SMPD2: variants seen among roughly 807,000 people sequenced by gnomAD.
SMPD2 encodes N-SMase.
Under a neutral mutation model 41.7 loss-of-function variants are expected in SMPD2, and 35 were observed. The ratio of observed to expected loss-of-function variants is 0.84; its 90% CI spans 0.64 to 1.11. SMPD2 has a LOEUF of 1.11. Ranked by LOEUF, SMPD2 falls within the 50% of genes most tolerant of loss-of-function variation. The pLI is 0.00. For missense variants in SMPD2, 520 were observed against 524.8 expected, an observed-to-expected ratio of 0.99 and a Z score of 0.09; for synonymous variants, 201 against 208.2, an observed-to-expected ratio of 0.97 and a Z score of 0.30.
intron 3 of SMPD2, 51 bp downstream of exon 3, chr6:109,441,679 C>T (rs949753464): frequency 6.6e-7 from 1 of 1,524,032 alleles, no homozygotes; most frequent in Non-Finnish European, 9.1e-7. Context: ...AGGCTCTTGG[C>T]CCTGCCAGCC....
rs780721560 is a variant in SMPD2, at chr6:109,442,001, C to G, written c.252C>G (p.Val84=). Reference sequence around the variant, plus strand: ...GAATCATTGGCAGTGGCCTCTGTGTCTTCTCCAAACATCCAATCCAGGAGC... The same window carrying G: ...GAATCATTGGCAGTGGCCTCTGTGTGTTCTCCAAACATCCAATCCAGGAGC... ...RSGIIGSGLC[V]FSKHPIQELT... The change falls in exon 4 of 10, where the codon GTC becomes GTG. Residue 84 remains valine, a synonymous_variant. Transcript: ENST00000258052. The G allele has an allele frequency of 9.3e-6, 15 of 1,614,072 alleles. No homozygotes were observed. The highest frequency in any genetic ancestry group is 1.3e-5 in the African/African-American group (1 of 74,930).
In SMPD2 at chr6:109,443,725, G is replaced by C. The variant is rs774124588; in HGVS notation, c.1092G>C (p.Leu364=). 6.2e-7 allele frequency: 1 copy of C among 1,613,860 alleles called. No homozygotes were observed. Among genetic ancestry groups the C allele is most frequent in the Non-Finnish European group, 8.5e-7 (1 of 1,179,874 alleles). ...AILLWTPSVG[L]VLWAGAFYLF... is the part of the protein sequence containing the mutation. Reference sequence around the variant, plus strand: ...TGCTCTGGACCCCCAGTGTAGGGCTGGTGCTGTGGGCAGGTGCATTCTACC... The same window carrying C: ...TGCTCTGGACCCCCAGTGTAGGGCTCGTGCTGTGGGCAGGTGCATTCTACC... The change falls in exon 10 of 10, where the codon CTG becomes CTC. Residue 364 remains leucine, a synonymous_variant. Transcript: ENST00000258052.
chr6:109,442,925 TTC>T, intron 7 of SMPD2, 41 bp downstream of exon 7: 1 of 1,610,720 alleles, frequency 6.2e-7, no homozygotes, highest in Non-Finnish European at 8.5e-7. Flanking sequence ...TATCCCCAGC[TTC>T]TCTCCCTCCT....
rs776882194 is a variant in SMPD2, at chr6:109,443,308, C to T, written c.771C>T (p.Thr257=). 21 of 1,613,892 alleles carry T rather than the reference C, an allele frequency of 1.3e-5. No homozygotes were observed. The highest frequency in any genetic ancestry group is 2.7e-5 in the African/African-American group (2 of 74,892). Residue 257 remains threonine (T), a synonymous_variant, in exon 9 of 10, where the codon ACC becomes ACT. Transcript: ENST00000258052. ...GFYISCKSFE[T]TTGFDPHRGT... ...ACATCTCCTGTAAGAGTTTTGAAACCACTACAGGCTTTGACCCTCACAGGG... is the reference window on the plus strand; with the variant it reads ...ACATCTCCTGTAAGAGTTTTGAAACTACTACAGGCTTTGACCCTCACAGGG...
In SMPD2 at chr6:109,443,762, C is replaced by T. The variant is rs755534779; in HGVS notation, c.1129C>T (p.Gln377Ter). 2 of 1,614,072 alleles carry T rather than the reference C, an allele frequency of 1.2e-6. No homozygotes were observed. The highest frequency in any genetic ancestry group is 2.2e-5 in the East Asian group (1 of 44,890). The change falls in exon 10 of 10, where the codon CAG becomes TAG. Residue 377 changes from glutamine (Q) to a stop codon, truncating the protein, a stop_gained. Transcript: ENST00000258052. LOFTEE classifies it low-confidence loss of function (END_TRUNC). ...AGGTGCATTCTACCTCTTCCACGTA[C>T]AGGAGGTCAATGGCTTATATAGGGC... ...WAGAFYLFHV[Q>*]EVNGLYRAQA...
chr6:109,443,240 C>T (rs1356411856), intron 8 of SMPD2, 27 bp from the exon 9 acceptor site: 7 of 1,487,638 alleles, frequency 4.7e-6, no homozygotes, highest in Admixed American at 1.7e-5. Context: ...CATATATAAG[C>T]TTCTCTCTGG....
intron 5 of SMPD2, 54 bp from the exon 6 acceptor site, chr6:109,442,489 C>A: frequency 6.6e-7 from 1 of 1,510,776 alleles, no homozygotes. Flanking sequence ...TTGATTCAGA[C>A]ATACCCCTGG....
chr6:109,441,914 G>A (rs1442159306), intron 3 of SMPD2, 60 bp from the exon 4 acceptor site: 3 of 1,440,430 alleles, frequency 2.1e-6, no homozygotes, highest in Non-Finnish European at 2.9e-6. Flanking sequence ...ACAAGGGAGG[G>A]GAAGAAGGCT....
chr6:109,442,826 GC>G lies in SMPD2; in HGVS notation c.568del (p.Leu190CysfsTer2). ...LNMHPEDLGC[C>X]LLKEWTGLHD... ...ATGCACCCAGAAGACCTGGGCTGCT[GC>G]CTGCTGAAGGAGTGGACAGGGCTTC... On this transcript the variant is annotated frameshift_variant, in exon 7 of 10. Transcript: ENST00000258052. LOFTEE classifies it high-confidence loss of function. The G allele has an allele frequency of 6.2e-7, 1 of 1,614,168 alleles. No individual in the cohort carries two copies. The highest frequency in any genetic ancestry group is 8.5e-7 in the Non-Finnish European group (1 of 1,180,034).
chr6:109,440,833 G>T lies in SMPD2; in HGVS notation c.-289G>T. ...AGCCGCCCACCCGGGGGCGCTCTCC[G>T]GACCCCCAGGGTCCTAGCGCGCGGC... On this transcript the variant is annotated 5_prime_UTR_variant, in exon 1 of 10. Transcript: ENST00000258052. 2.5e-6 allele frequency: 1 copy of T among 397,200 alleles called. No individual in the cohort carries two copies. Among genetic ancestry groups the T allele is most frequent in the Non-Finnish European group, 4.4e-6 (1 of 227,582 alleles). 24.6% of individuals were successfully genotyped at this position (397,200 alleles called of 1,614,324 possible). A position where few individuals can be genotyped will look rare whatever the true frequency, so the allele number is the denominator to read the frequency against.
At chr6:109,441,737 CT>C in intron 3 of SMPD2, 109 bp downstream of exon 3, 2 of 1,076,876 alleles carry the variant, frequency 1.9e-6, no homozygotes, top group Non-Finnish European at 2.9e-6. Flanking sequence ...CCTCCTCTCC[CT>C]CTGGATGTGA....
Position 109,443,342 on chromosome 6 carries a change from C to CT in SMPD2, c.806dup (p.Ser270LeufsTer2), listed in dbSNP as rs1297143065. ...CTTTGACCCTCACAGGGGCACCCCCCTCTCTGATCATGAAGCCCTGATGGC... is the reference window on the plus strand; with the variant it reads ...CTTTGACCCTCACAGGGGCACCCCCCTTCTCTGATCATGAAGCCCTGATGGC... On this transcript the variant is annotated frameshift_variant, in exon 9 of 10. Transcript: ENST00000258052. LOFTEE classifies it high-confidence loss of function. The CT allele has an allele frequency of 1.2e-6, 2 of 1,613,866 alleles. No individual in the cohort carries two copies. The highest frequency in any genetic ancestry group is 1.3e-5 in the African/African-American group (1 of 74,918).
intron 2 of SMPD2, 41 bp from the exon 3 acceptor site, chr6:109,441,511 C>A (rs1253170515): frequency 6.2e-7 from 1 of 1,612,912 alleles, no homozygotes; most frequent in African/African-American, 1.3e-5. Context: ...GACCGTCCCA[C>A]TGGGGAAAGA....
At chr6:109,442,468 C>A in intron 5 of SMPD2, 75 bp from the exon 6 acceptor site, 1 of 1,432,162 alleles carries the variant, frequency 7.0e-7, no homozygotes, top group South Asian at 1.2e-5. Context: ...TGCCAAGTGA[C>A]AGACACAGGC....
chr6:109,442,388 G>T, intron 5 of SMPD2, 89 bp downstream of exon 5: 2 of 1,395,880 alleles, frequency 1.4e-6, no homozygotes, highest in Non-Finnish European at 2.0e-6. Context: ...CATACCTGGG[G>T]ATGAGGTGTG....
chr6:109,442,492 AC>A, intron 5 of SMPD2, 50 bp from the exon 6 acceptor site: 1 of 1,518,638 alleles, frequency 6.6e-7, no homozygotes, highest in Non-Finnish European at 9.1e-7. Flanking sequence ...ATTCAGACAT[AC>A]CCCTGGGACC....
Position 109,440,829 on chromosome 6 carries a change from C to T in SMPD2, c.-293C>T, listed in dbSNP as rs970982818. 1 of 398,570 alleles carries T rather than the reference C, an allele frequency of 2.5e-6. No individual in the cohort carries two copies. Among genetic ancestry groups the T allele is most frequent in the Non-Finnish European group, 4.4e-6 (1 of 228,972 alleles). 24.7% of individuals were successfully genotyped at this position (398,570 alleles called of 1,614,324 possible). A position where few individuals can be genotyped will look rare whatever the true frequency, so the allele number is the denominator to read the frequency against. ...CGGGAGCCGCCCACCCGGGGGCGCTCTCCGGACCCCCAGGGTCCTAGCGCG... is the reference window on the plus strand; with the variant it reads ...CGGGAGCCGCCCACCCGGGGGCGCTTTCCGGACCCCCAGGGTCCTAGCGCG... On this transcript the variant is annotated 5_prime_UTR_variant, in exon 1 of 10. Transcript: ENST00000258052.
chr6:109,441,974 C>T lies in SMPD2; in HGVS notation c.225C>T (p.Ser75=), dbSNP rs750784127. 1.7e-5 allele frequency: 27 copies of T among 1,613,668 alleles called. No individual in the cohort carries two copies. Among genetic ancestry groups the T allele is most frequent in the Admixed American group, 3.3e-5 (2 of 59,992 alleles). Residue 75 remains serine (S), a splice_region_variant and synonymous_variant, in exon 4 of 10, where the codon AGC becomes AGT. Coordinates refer to ENST00000258052, the MANE Select transcript of SMPD2 (RefSeq NM_003080.3). ...TTATTAAGCAGGGCTTGGCTTTCAG[C>T]GGAATCATTGGCAGTGGCCTCTGTG... ...PTYPAAHHFR[S]GIIGSGLCVF...
chr6:109,440,975 T>G lies in SMPD2; in HGVS notation c.-147T>G. 3.9e-6 allele frequency: 3 copies of G among 760,366 alleles called. No individual in the cohort carries two copies. The highest frequency in any genetic ancestry group is 4.3e-6 in the Non-Finnish European group (2 of 467,492). The allele number at this position is 760,366 out of a possible 1,614,324, so 47.1% of individuals were successfully genotyped here. A position where few individuals can be genotyped will look rare whatever the true frequency, so the allele number is the denominator to read the frequency against. On this transcript the variant is annotated 5_prime_UTR_variant, in exon 1 of 10. Coordinates refer to ENST00000258052, the MANE Select transcript of SMPD2 (RefSeq NM_003080.3). ...GGGAACGCGGGAGTCGGGCCCGACC[T>G]GAGCCACGCGGGCTTGGTGCCCACC...
Sources: gnomAD v4.1 joint callset for allele counts on GRCh38, gnomAD v4.1.1 for gene constraint, MANE v1.5 for transcripts, NCBI Gene and HGNC (gene_info 2026-07-23, HGNC 2026-07-21) for gene names.